Variants in COX7A1 observed in about 807,000 individuals in gnomAD.
COX7A1 encodes the protein cytochrome c oxidase subunit 7A1, mitochondrial.
Under a neutral mutation model 13.2 loss-of-function variants are expected in COX7A1, and 21 were observed. That is an observed-to-expected ratio of 1.59 (90% CI 1.13 to 2.29). COX7A1 has a LOEUF of 2.29. Among genes scored for constraint, COX7A1 ranks in the 30% most tolerant of loss-of-function variants. The pLI is 0.00. For synonymous variants in COX7A1, 41 were observed against 41.9 expected, an observed-to-expected ratio of 0.98 and a Z score of 0.08; for missense variants, 107 against 100.0, an observed-to-expected ratio of 1.07 and a Z score of -0.30.
At chr19:36,151,645 T>TGGCCCCCCCCCCCCCC in intron 2 of COX7A1, 24 bp downstream of exon 2, 1 of 1,387,632 alleles carries the variant, frequency 7.2e-7, no homozygotes, top group Non-Finnish European at 9.9e-7. Context: ...GCGCGTCGGA[T>TGGCCCCCCCCCCCCCC]CCCCACCCCC....
chr19:36,151,123 C>T, intron 3 of COX7A1, 89 bp from the exon 4 acceptor site: 1 of 1,313,660 alleles, frequency 7.6e-7, no homozygotes, highest in Non-Finnish European at 1.1e-6. Context: ...TCCCTGGTTC[C>T]CAGCCTGGAC....
At chr19:36,152,357 G>T in intron 1 of COX7A1, 36 bp downstream of exon 1, 1 of 1,323,374 alleles carries the variant, frequency 7.6e-7, no homozygotes, top group Non-Finnish European at 9.7e-7. Flanking sequence ...GGGTTTTCTG[G>T]GTGGGGGGCT....
rs199557841 is a variant in COX7A1 at position 36,151,652 on chromosome 19, CCCCCCCGA to C, written c.102+9_102+16del. On this transcript the variant is annotated intron_variant, in intron 2 of 3. Transcript: ENST00000292907. ...CCCGGCTGGCGCGTCGGATCCCCAC[CCCCCCCGA>C]CCCCCCACCTGGAAGAGCTTCTGTT... is the stretch of plus-strand genomic sequence containing the variant. The C allele has an allele frequency of 5.9e-5, 83 of 1,410,116 alleles. No homozygotes were observed. The highest frequency in any genetic ancestry group is 1.8e-4 in the African/African-American group (11 of 59,652). The allele number at this position is 1,410,116 out of a possible 1,614,324, so 87.4% of individuals were successfully genotyped here.
Position 36,151,720 on chromosome 19 carries a change from G to A in COX7A1, c.51C>T (p.Thr17=). Residue 17 remains threonine, a synonymous_variant, in exon 2 of 4, where the codon ACC becomes ACT. Transcript: ENST00000292907. ...CTCGGTTCTGAAAGCGGTTCCGGGC[G>A]GTGGAGCTGAAGGAGCGGATCAGCG... ...SQALIRSFSS[T]ARNRFQNRVR... is the part of the protein sequence containing the mutation. The A allele has an allele frequency of 6.2e-7, 1 of 1,607,214 alleles. No homozygotes were observed.
At chr19:36,152,207 G>A (rs967915788) in intron 1 of COX7A1, among the ~76,000 whole-genome samples, 186 bp downstream of exon 1, 1 of 152,178 alleles carries the variant, frequency 6.6e-6, no homozygotes. Context: ...GGGCCGGGGT[G>A]GGGGTCCCCA....
chr19:36,152,076 C>T, intron 1 of COX7A1: 1 of 596,300 alleles, frequency 1.7e-6, no homozygotes, highest in Admixed American at 3.2e-5. Flanking sequence ...GGGAGGAAAC[C>T]AGGTCCCGGG....
rs1309739868 is a variant in COX7A1 at position 36,151,456 on chromosome 19, G to A, written c.187+6C>T. On this transcript the variant is annotated splice_donor_region_variant and intron_variant, in intron 3 of 3. Transcript: ENST00000292907. ...CCCCCGCAGCCCAGACGGGCCCTGC[G>A]CTCACCGCCCAGACACAGCGTCATT... 1.5e-5 allele frequency: 25 copies of A among 1,613,932 alleles called. No homozygotes were observed. Among genetic ancestry groups the A allele is most frequent in the African/African-American group, 2.7e-5 (2 of 74,882 alleles).
rs767562238 is a variant in COX7A1, at chr19:36,151,765, G to A, written c.16-10C>T. 5.0e-6 allele frequency: 8 copies of A among 1,591,472 alleles called. No individual in the cohort carries two copies. Among genetic ancestry groups the A allele is most frequent in the Non-Finnish European group, 6.8e-6 (8 of 1,169,520 alleles). ...TCAGCGCCTGGGACACCTGCGGGGTGGGAGGTGGGCGGGTATTGGAGGCAC... is the reference window on the plus strand; with the variant it reads ...TCAGCGCCTGGGACACCTGCGGGGTAGGAGGTGGGCGGGTATTGGAGGCAC... On this transcript the variant is annotated splice_polypyrimidine_tract_variant and intron_variant, in intron 1 of 3. Coordinates refer to ENST00000292907, the MANE Select transcript of COX7A1 (RefSeq NM_001864.4).
chr19:36,151,752 A>T lies in COX7A1; in HGVS notation c.19T>A (p.Ser7Thr), dbSNP rs768780058. ...CTGAAGGAGCGGATCAGCGCCTGGG[A>T]CACCTGCGGGGTGGGAGGTGGGCGG... MQALRV[S>T]QALIRSFSST... The change falls in exon 2 of 4, where the codon TCC becomes ACC. Residue 7 changes from serine to threonine, a missense_variant. Coordinates refer to ENST00000292907, the MANE Select transcript of COX7A1 (RefSeq NM_001864.4). The T allele has an allele frequency of 3.9e-6, 6 of 1,530,540 alleles. No individual in the cohort carries two copies. 94.8% of individuals were successfully genotyped at this position (1,530,540 alleles called of 1,614,324 possible).
intron 2 of COX7A1, 39 bp from the exon 3 acceptor site, chr19:36,151,585 T>G (rs1467791765): frequency 6.2e-7 from 1 of 1,612,570 alleles, no homozygotes; most frequent in Non-Finnish European, 8.5e-7. Context: ...GGGTGCTGGC[T>G]GCTCCTTAGA....
chr19:36,151,133 C>T, intron 3 of COX7A1, 99 bp from the exon 4 acceptor site: 1 of 1,257,286 alleles, frequency 8.0e-7, no homozygotes, highest in South Asian at 1.4e-5. Flanking sequence ...CCAGCCTGGA[C>T]CCCAGCTCTA....
At chr19:36,152,045 G>A (rs2145939422) in intron 1 of COX7A1, 1 of 603,360 alleles carries the variant, frequency 1.7e-6, no homozygotes, top group African/African-American at 1.9e-5. Context: ...TTTTTGTTGG[G>A]GGAGGGTTTC....
intron 1 of COX7A1, 153 bp from the exon 2 acceptor site, chr19:36,151,908 G>A: frequency 1.3e-6 from 1 of 778,376 alleles, no homozygotes; most frequent in Non-Finnish European, 2.3e-6. Flanking sequence ...TGTTACCCGC[G>A]AACTGCCAGC....
At chr19:36,152,014 TG>T (rs1382751054) in intron 1 of COX7A1, 4 of 615,828 alleles carry the variant, frequency 6.5e-6, no homozygotes, top group Admixed American at 2.9e-5. Flanking sequence ...GACTTTGTTC[TG>T]GGGGGCCTAA....
chr19:36,151,645 T>TGCCCCCCCCCCCCCC, intron 2 of COX7A1, 24 bp downstream of exon 2: 46 of 1,387,486 alleles, frequency 3.3e-5, no homozygotes, highest in Non-Finnish European at 4.4e-5. Context: ...GCGCGTCGGA[T>TGCCCCCCCCCCCCCC]CCCCACCCCC....
chr19:36,151,074 C>A (rs376814225), intron 3 of COX7A1, 40 bp from the exon 4 acceptor site: 23 of 1,598,106 alleles, frequency 1.4e-5, no homozygotes, highest in Non-Finnish European at 1.9e-5. Context: ...GAGACCTAAT[C>A]CCCTCCCTGG....
intron 2 of COX7A1, 24 bp downstream of exon 2, chr19:36,151,645 T>TGCCCCCCCCCCCCCCCCCC: frequency 7.2e-7 from 1 of 1,387,624 alleles, no homozygotes; most frequent in Non-Finnish European, 9.9e-7. Flanking sequence ...GCGCGTCGGA[T>TGCCCCCCCCCCCCCCCCCC]CCCCACCCCC....
intron 1 of COX7A1, 79 bp downstream of exon 1, chr19:36,152,314 G>T: frequency 2.8e-6 from 3 of 1,084,386 alleles, no homozygotes; most frequent in Non-Finnish European, 3.6e-6. Context: ...GGCCCTAGAT[G>T]CGGGGGCACT....
At position 36,151,020 on chromosome 19, in the gene COX7A1, A is replaced by G; in HGVS notation, c.202T>C (p.Leu68=). 2 of 1,613,924 alleles carry G rather than the reference A, an allele frequency of 1.2e-6. No homozygotes were observed. Among genetic ancestry groups the G allele is most frequent in the Non-Finnish European group, 1.7e-6 (2 of 1,179,882 alleles). Residue 68 remains leucine, a synonymous_variant, in exon 4 of 4, where the codon TTG becomes CTG. Coordinates refer to ENST00000292907, the MANE Select transcript of COX7A1 (RefSeq NM_001864.4). ...TLCLGGTVYS[L]YSLGWASFPR... Reference sequence around the variant, plus strand: ...AAGGAGGCCCAGCCAAGGGAGTACAAGCTGTAGACAGTGCCTAGAAAGGGG... The same window carrying G: ...AAGGAGGCCCAGCCAAGGGAGTACAGGCTGTAGACAGTGCCTAGAAAGGGG...
Sources: allele counts gnomAD v4.1 joint callset (sites outside exome capture counted in the v4.1 genomes callset), GRCh38; gene constraint gnomAD v4.1.1; transcripts MANE v1.5; gene names NCBI Gene and HGNC (gene_info 2026-07-23, HGNC 2026-07-21).